NRXN3: variants seen among roughly 807,000 people sequenced by gnomAD.
NRXN3 encodes the protein neurexin 3, also known as neurexin III.
NRXN3 carries 32 observed loss-of-function variants against 137.6 expected under a neutral mutation model. That is an observed-to-expected ratio of 0.23 (90% confidence interval 0.18 to 0.31). NRXN3 has a LOEUF of 0.31. NRXN3 is among the 10% of genes least tolerant of loss of function. The pLI is 1.00. For missense variants in NRXN3, 1,574 were observed against 2,062.5 expected, an observed-to-expected ratio of 0.76 and a Z score of 4.59; for synonymous variants, 798 against 784.5, an observed-to-expected ratio of 1.02 and a Z score of -0.29.
intron 10 of NRXN3, among the ~76,000 whole-genome samples, chr14:78,815,479 C>CTTTTTTTTTTTT (rs61411777): frequency 4.1e-4 from 35 of 84,430 alleles, no homozygotes; most frequent in South Asian, 1.7e-3. Context: ...TTGTTTCTTT[C>CTTTTTTTTTTTT]TTTTTTTTTT....
chr14:78,916,170 G>C (rs1212069172), intron 10 of NRXN3, among the ~76,000 whole-genome samples: 1 of 152,008 alleles, frequency 6.6e-6, no homozygotes, highest in South Asian at 2.1e-4. Context: ...ATCACAAAAA[G>C]GGGCACTATT....
At chr14:79,387,675 T>C (rs1226867525) in intron 15 of NRXN3, among the ~76,000 whole-genome samples, 2 of 151,852 alleles carry the variant, frequency 1.3e-5, no homozygotes, top group Non-Finnish European at 2.9e-5. Context: ...TGCAGCACTA[T>C]TCACAAGAGC....
At chr14:79,324,906 A>G (rs1317544678) in intron 15 of NRXN3, among the ~76,000 whole-genome samples, 2 of 152,314 alleles carry the variant, frequency 1.3e-5, no homozygotes, top group East Asian at 3.9e-4. Context: ...GAAAAAAGAA[A>G]ACAGCCCTGA....
chr14:79,481,462 A>G (rs192716251), intron 16 of NRXN3, among the ~76,000 whole-genome samples: 3 of 152,340 alleles, frequency 2.0e-5, no homozygotes, highest in Admixed American at 6.5e-5. Context: ...TCCTAGCTAT[A>G]TGGTATAGCC....
At position 79,735,339 on chromosome 14, in the gene NRXN3, G is replaced by A. The variant is rs2098938247; in HGVS notation, c.4014+37402G>A. ...ATGTTAGTTGTCAATTGTTACGCAA[G>A]ACTAATTTTTTCCACAGCAAAAAAT... On this transcript the variant is annotated intron_variant, in intron 19 of 20. Transcript: ENST00000335750. Among the ~76,000 whole-genome samples the A allele has an allele frequency of 2.6e-5, 4 of 152,116 alleles. No individual in the cohort carries two copies. In the South Asian group the frequency reaches 8.3e-4, roughly 32 times the overall value.
At chr14:78,204,981 G>A (rs1003621130) in intron 1 of NRXN3, among the ~76,000 whole-genome samples, 2 of 152,168 alleles carry the variant, frequency 1.3e-5, no homozygotes, top group African/African-American at 2.4e-5. Flanking sequence ...GTCAAAGTGC[G>A]GAGACCAAGA....
chr14:78,364,825 T>G (rs2085663520), intron 4 of NRXN3, among the ~76,000 whole-genome samples: 1 of 152,190 alleles, frequency 6.6e-6, no homozygotes, highest in Non-Finnish European at 1.5e-5. Flanking sequence ...AACAATGAAG[T>G]GGCCGAGCTG....
intron 4 of NRXN3, among the ~76,000 whole-genome samples, chr14:78,525,133 G>C (rs1566636732): frequency 6.6e-6 from 1 of 152,186 alleles, no homozygotes; most frequent in Non-Finnish European, 1.5e-5. Context: ...ACAAAGTGGG[G>C]TTCTTGGAAT....
chr14:78,996,964 T>C (rs1237409178), intron 15 of NRXN3, among the ~76,000 whole-genome samples: 1 of 152,120 alleles, frequency 6.6e-6, no homozygotes, highest in Non-Finnish European at 1.5e-5. Context: ...TAGATGTGGG[T>C]TGTAGCTTGT....
intron 15 of NRXN3, among the ~76,000 whole-genome samples, chr14:79,437,013 T>G (rs1211767651): frequency 6.6e-6 from 1 of 152,148 alleles, no homozygotes; most frequent in East Asian, 1.9e-4. Flanking sequence ...TAAAAACCTT[T>G]TAGTGTTTCT....
At chr14:78,828,953 G>GA (rs2098974463) in intron 10 of NRXN3, among the ~76,000 whole-genome samples, 1 of 152,144 alleles carries the variant, frequency 6.6e-6, no homozygotes, top group African/African-American at 2.4e-5. Context: ...GCTTTTCTGA[G>GA]AAAATGATAT....
intron 4 of NRXN3, among the ~76,000 whole-genome samples, chr14:78,475,582 A>G (rs540691073): frequency 4.6e-4 from 70 of 152,304 alleles, no homozygotes; most frequent in African/African-American, 1.7e-3. Flanking sequence ...GGAGAGTGAA[A>G]TGTAAATAAG....
chr14:79,138,664 GC>G (rs1233774583), intron 15 of NRXN3, among the ~76,000 whole-genome samples: 1 of 152,180 alleles, frequency 6.6e-6, no homozygotes, highest in African/African-American at 2.4e-5. Flanking sequence ...GTGAATGACT[GC>G]ATATCTTGTT....
intron 4 of NRXN3, among the ~76,000 whole-genome samples, chr14:78,299,249 C>T (rs1429288714): frequency 1.3e-5 from 2 of 152,106 alleles, no homozygotes; most frequent in Admixed American, 6.5e-5. Flanking sequence ...TCTGTTCTTG[C>T]AGTTTAGTGA....
intron 10 of NRXN3, among the ~76,000 whole-genome samples, chr14:78,898,554 CGTGTGTGT>C (rs66861661): frequency 0.037 from 5,081 of 136,308 alleles, 183 homozygotes; most frequent in African/African-American, 0.091. Flanking sequence ...AGCTGGGTTT[CGTGTGTGT>C]GTGTGTGTGT....
intron 10 of NRXN3, among the ~76,000 whole-genome samples, chr14:78,866,794 CTTTT>C: frequency 8.4e-6 from 1 of 119,116 alleles, no homozygotes; most frequent in Admixed American, 8.6e-5. Flanking sequence ...TTACCTTCAT[CTTTT>C]TTTTTTTTTT....
intron 4 of NRXN3, among the ~76,000 whole-genome samples, chr14:78,482,130 GGATGTATTTA>G (rs2095482919): frequency 6.6e-6 from 1 of 152,158 alleles, no homozygotes; most frequent in South Asian, 2.1e-4. Context: ...GCAAAACTTT[GGATGTATTTA>G]TATCAGCTGA....
intron 15 of NRXN3, among the ~76,000 whole-genome samples, chr14:79,145,369 A>G (rs2059200569): frequency 6.6e-6 from 1 of 152,184 alleles, no homozygotes; most frequent in South Asian, 2.1e-4. Context: ...TTAGTACCAG[A>G]GACCGAAAGT....
At position 79,224,631 on chromosome 14, in the gene NRXN3, C is replaced by T. The variant is rs569048444; in HGVS notation, c.3262+236490C>T. Among the ~76,000 whole-genome samples, 47 of 152,212 alleles carry T rather than the reference C, an allele frequency of 3.1e-4. No homozygotes were observed. In the Middle Eastern group the frequency reaches 0.01, roughly 33 times the overall value. On this transcript the variant is annotated intron_variant, in intron 15 of 20. Coordinates refer to ENST00000335750, the MANE Select transcript of NRXN3 (RefSeq NM_001330195.2). ...TCCAAAATTCATGTCCTTCCTGGAACCTCAGAATGTGACCTTATTTGGAGG... is the reference window on the plus strand; with the variant it reads ...TCCAAAATTCATGTCCTTCCTGGAATCTCAGAATGTGACCTTATTTGGAGG...
Sources: gnomAD v4.1 joint callset for allele counts (sites outside exome capture counted in the v4.1 genomes callset) on GRCh38, gnomAD v4.1.1 for gene constraint, MANE v1.5 for transcripts, NCBI Gene and HGNC (gene_info 2026-07-23, HGNC 2026-07-21) for gene names.